PIK3R3: variants seen among roughly 807,000 people sequenced by gnomAD.
PIK3R3 encodes phosphatidylinositol 3-kinase regulatory subunit gamma.
In PIK3R3, 64 loss-of-function variants were observed where a neutral mutation model predicts 62.9. The observed-to-expected ratio is 1.02, with a 90% confidence interval of 0.83 to 1.25. The LOEUF (loss-of-function observed/expected upper bound fraction) is 1.25. PIK3R3 is among the 50% of genes most tolerant of loss of function. The pLI, the probability that PIK3R3 is intolerant of heterozygous loss-of-function variation, is 0.00. For missense variants in PIK3R3, 614 were observed against 561.6 expected, an observed-to-expected ratio of 1.09 and a Z score of -0.94; for synonymous variants, 165 against 189.0, an observed-to-expected ratio of 0.87 and a Z score of 1.04.
At chr1:46,118,429 T>C (rs1248194367) in intron 1 of PIK3R3, among the ~76,000 whole-genome samples, 2 of 152,164 alleles carry the variant, frequency 1.3e-5, no homozygotes, top group African/African-American at 2.4e-5. Context: ...AGAATCATAG[T>C]ACATCACTGT....
intron 3 of PIK3R3, among the ~76,000 whole-genome samples, chr1:46,071,712 A>AAAAAAAAAAAAAAATAT (rs1472807815): frequency 1.6e-4 from 4 of 24,656 alleles, no homozygotes; most frequent in Non-Finnish European, 2.3e-4. Flanking sequence ...AAAAAAAAAA[A>AAAAAAAAAAAAAAATAT]ATATATATAT....
the PIK3R3 span, among the ~76,000 whole-genome samples, chr1:46,163,886 G>A: frequency 6.6e-6 from 1 of 152,126 alleles, no homozygotes; most frequent in Non-Finnish European, 1.5e-5. Flanking sequence ...TTCTCTTTGG[G>A]AACAGTCTGA....
chr1:46,087,760 G>GT (rs537961466), intron 1 of PIK3R3, among the ~76,000 whole-genome samples: 13 of 152,156 alleles, frequency 8.5e-5, no homozygotes, highest in African/African-American at 3.1e-4. Context: ...TCACTTCTCA[G>GT]TGAAGGCCTC....
chr1:46,168,467 C>T, the PIK3R3 span, among the ~76,000 whole-genome samples: 1 of 152,190 alleles, frequency 6.6e-6, no homozygotes, highest in Non-Finnish European at 1.5e-5. Context: ...GACTCCTTCA[C>T]CCTTCCAGTG....
chr1:46,127,867 A>C (rs1009605833), intron 1 of PIK3R3, among the ~76,000 whole-genome samples: 5 of 152,206 alleles, frequency 3.3e-5, no homozygotes, highest in Non-Finnish European at 5.9e-5. Context: ...CTAGCCAAAA[A>C]TAAAAAGTTT....
At position 46,066,992 on chromosome 1, in the gene PIK3R3, G is replaced by A; in HGVS notation, c.414C>T (p.Asn138=). 1 of 1,609,566 alleles carries A rather than the reference G, an allele frequency of 6.2e-7. No individual in the cohort carries two copies. The change falls in exon 4 of 10, where the codon AAC becomes AAT. Residue 138 remains asparagine (N), a synonymous_variant. Coordinates refer to ENST00000262741, the MANE Select transcript of PIK3R3 (RefSeq NM_003629.4). Reference sequence around the variant, plus strand: ...GAGCAAGAGATTCATGGTGATAGTGGTTAATGAGCTCCACCACGGAATTAA... The same window carrying A: ...GAGCAAGAGATTCATGGTGATAGTGATTAATGAGCTCCACCACGGAATTAA... ...LTFNSVVELI[N]HYHHESLAQY...
At chr1:46,129,191 TAAAAAC>T (rs1292524134) in intron 1 of PIK3R3, among the ~76,000 whole-genome samples, 3 of 152,094 alleles carry the variant, frequency 2.0e-5, no homozygotes, top group Non-Finnish European at 1.5e-5. Context: ...ACCTGGGTCC[TAAAAAC>T]ACATACATAT....
the PIK3R3 span, among the ~76,000 whole-genome samples, chr1:46,139,697 C>T: frequency 0.46 from 70,145 of 151,970 alleles, 16,416 homozygotes; most frequent in East Asian, 0.65. Flanking sequence ...TCCTCTTCAA[C>T]AGCCTTACAC....
At chr1:46,117,827 G>C (rs555129895) in intron 1 of PIK3R3, among the ~76,000 whole-genome samples, 1 of 152,294 alleles carries the variant, frequency 6.6e-6, no homozygotes, top group South Asian at 2.1e-4. Flanking sequence ...CCCAGCACTT[G>C]GGAGGCCAGG....
the PIK3R3 span, among the ~76,000 whole-genome samples, chr1:46,142,642 G>A: frequency 1.3e-5 from 2 of 151,690 alleles, no homozygotes; most frequent in South Asian, 4.2e-4. Context: ...AGCTTGCAGT[G>A]AGCCAAGATC....
chr1:46,144,682 C>T, the PIK3R3 span, among the ~76,000 whole-genome samples: 1 of 150,672 alleles, frequency 6.6e-6, no homozygotes, highest in African/African-American at 2.4e-5. Context: ...GCAGGAGAAT[C>T]ACTTGAACCC....
chr1:46,046,786 T>G, intron 7 of PIK3R3, 161 bp from the exon 8 acceptor site: 1 of 584,948 alleles, frequency 1.7e-6, no homozygotes, highest in Non-Finnish European at 3.0e-6. Flanking sequence ...TCGATTACTT[T>G]TCTTTCAACT....
chr1:46,063,739 G>C (rs1395016406), intron 5 of PIK3R3, among the ~76,000 whole-genome samples: 1 of 152,012 alleles, frequency 6.6e-6, no homozygotes, highest in Non-Finnish European at 1.5e-5. Flanking sequence ...CTGGGTCTCA[G>C]CTCCCCTTCC....
At chr1:46,064,268 C>T (rs980993101) in intron 5 of PIK3R3, among the ~76,000 whole-genome samples, 2 of 151,820 alleles carry the variant, frequency 1.3e-5, no homozygotes, top group Non-Finnish European at 1.5e-5. Flanking sequence ...TGGCCAGGCA[C>T]GGTGGCTCAC....
intron 7 of PIK3R3, among the ~76,000 whole-genome samples, chr1:46,052,329 C>G (rs1647435945): frequency 1.3e-5 from 2 of 151,876 alleles, no homozygotes; most frequent in African/African-American, 4.8e-5. Context: ...AACCATGGAC[C>G]AAGGGGGACT....
intron 1 of PIK3R3, among the ~76,000 whole-genome samples, chr1:46,097,080 C>T (rs1468406033): frequency 6.6e-6 from 1 of 151,710 alleles, no homozygotes; most frequent in Non-Finnish European, 1.5e-5. Context: ...CAAACCAACT[C>T]CAGCAACATA....
intron 1 of PIK3R3, among the ~76,000 whole-genome samples, chr1:46,098,655 G>T (rs994498103): frequency 1.3e-5 from 2 of 152,218 alleles, no homozygotes; most frequent in African/African-American, 2.4e-5. Context: ...TATAGAGACA[G>T]AAAGTAGATT....
In PIK3R3 at chr1:46,043,804, A is replaced by G. The variant is rs1557545209; in HGVS notation, c.1255T>C (p.Tyr419His). ...TCCTTCAGAGAGCTGTACAGGTTGTAGGGCTCTGCAAAGCCATAGCCCCGA... is the reference window on the plus strand; with the variant it reads ...TCCTTCAGAGAGCTGTACAGGTTGTGGGGCTCTGCAAAGCCATAGCCCCGA... Reference protein sequence around the residue: ...TARGYGFAEPYNLYSSLKELV... With the variant: ...TARGYGFAEPHNLYSSLKELV... Residue 419 changes from tyrosine to histidine, a missense_variant, in exon 10 of 10, where the codon TAC becomes CAC. Transcript: ENST00000262741. The G allele has an allele frequency of 6.2e-7, 1 of 1,614,150 alleles. No homozygotes were observed. Among genetic ancestry groups the G allele is most frequent in the Non-Finnish European group, 8.5e-7 (1 of 1,179,970 alleles).
chr1:46,139,648 A>G, the PIK3R3 span, among the ~76,000 whole-genome samples: 4 of 152,152 alleles, frequency 2.6e-5, no homozygotes, highest in African/African-American at 9.7e-5. Flanking sequence ...CCCTAAGACC[A>G]TAAGATCAGG....
Sources: gnomAD v4.1 joint callset for allele counts (sites outside exome capture counted in the v4.1 genomes callset) on GRCh38, gnomAD v4.1.1 for gene constraint, MANE v1.5 for transcripts, NCBI Gene and HGNC (gene_info 2026-07-23, HGNC 2026-07-21) for gene names.